SGCD: variants seen among roughly 807,000 people sequenced by gnomAD.
SGCD encodes delta-sarcoglycan.
In SGCD, 18 loss-of-function variants were observed where a neutral mutation model predicts 36.6. The ratio of observed to expected loss-of-function variants is 0.49; its 90% confidence interval spans 0.34 to 0.73. The LOEUF (loss-of-function observed/expected upper bound fraction) is 0.73, where lower values mean the gene tolerates loss of function less well. SGCD is among the 30% of genes least tolerant of loss of function. The pLI, the probability that SGCD is intolerant of heterozygous loss-of-function variation, is 0.01. For synonymous variants in SGCD, 133 were observed against 130.6 expected, an observed-to-expected ratio of 1.02 and a Z score of -0.12; for missense variants, 387 against 346.7, an observed-to-expected ratio of 1.12 and a Z score of -0.92.
At chr5:155,746,677 G>A in the SGCD span, among the ~76,000 whole-genome samples, 5 of 152,032 alleles carry the variant, frequency 3.3e-5, no homozygotes, top group African/African-American at 1.2e-4. Flanking sequence ...GCCCCTGTTT[G>A]TAGGAATCTT....
At chr5:156,497,839 G>T (rs938886155) in intron 3 of SGCD, among the ~76,000 whole-genome samples, 7 of 152,050 alleles carry the variant, frequency 4.6e-5, no homozygotes, top group African/African-American at 1.2e-4. Flanking sequence ...ACACTGATGG[G>T]GTCATCTGGT....
At chr5:156,045,368 T>C (rs1412422392) in intron 1 of SGCD, among the ~76,000 whole-genome samples, 1 of 152,008 alleles carries the variant, frequency 6.6e-6, no homozygotes. Flanking sequence ...TTTCCTTCTA[T>C]AATCTACACT....
chr5:156,702,741 G>A (rs2113733011), intron 7 of SGCD, among the ~76,000 whole-genome samples: 1 of 152,214 alleles, frequency 6.6e-6, no homozygotes, highest in East Asian at 1.9e-4. Context: ...ATGAGTGGGA[G>A]ACAATTCTCA....
chr5:156,030,875 C>G (rs750408934), intron 1 of SGCD, among the ~76,000 whole-genome samples: 3 of 152,032 alleles, frequency 2.0e-5, no homozygotes, highest in Non-Finnish European at 2.9e-5. Flanking sequence ...TAGAATATAC[C>G]ATGGACTGTG....
At chr5:155,825,083 A>C in the SGCD span, among the ~76,000 whole-genome samples, 1 of 152,188 alleles carries the variant, frequency 6.6e-6, no homozygotes, top group African/African-American at 2.4e-5. Flanking sequence ...CAATGTTTTC[A>C]TCAAAGAAAG....
At chr5:156,304,766 A>G (rs1397820200) in intron 3 of SGCD, among the ~76,000 whole-genome samples, 3 of 152,130 alleles carry the variant, frequency 2.0e-5, no homozygotes, top group African/African-American at 7.2e-5. Flanking sequence ...GGGTTTGACA[A>G]AAATGCTGAC....
At chr5:156,285,373 C>T (rs1766565815) in intron 3 of SGCD, among the ~76,000 whole-genome samples, 1 of 152,176 alleles carries the variant, frequency 6.6e-6, no homozygotes, top group Admixed American at 6.6e-5. Flanking sequence ...CATGTGAATC[C>T]TAAGCCAAAA....
At chr5:155,848,693 CT>C in the SGCD span, among the ~76,000 whole-genome samples, 2 of 152,130 alleles carry the variant, frequency 1.3e-5, no homozygotes, top group African/African-American at 2.4e-5. Context: ...TGTTATATAG[CT>C]TTCCCCCAGC....
At chr5:156,219,372 T>G (rs1036386172) in intron 3 of SGCD, among the ~76,000 whole-genome samples, 1 of 152,210 alleles carries the variant, frequency 6.6e-6, no homozygotes, top group Non-Finnish European at 1.5e-5. Context: ...TAAATACACA[T>G]ATATACACAT....
intron 3 of SGCD, among the ~76,000 whole-genome samples, chr5:156,360,759 C>T (rs1189894515): frequency 1.3e-5 from 2 of 152,068 alleles, no homozygotes; most frequent in Non-Finnish European, 2.9e-5. Flanking sequence ...AGACGACTCA[C>T]CCTTCCCATC....
At chr5:155,763,186 G>C in the SGCD span, among the ~76,000 whole-genome samples, 1 of 152,260 alleles carries the variant, frequency 6.6e-6, no homozygotes, top group South Asian at 2.1e-4. Context: ...TTGAAGACAT[G>C]ATAGTACTGA....
chr5:156,486,332 A>C (rs1291318779), intron 3 of SGCD, among the ~76,000 whole-genome samples: 1 of 152,006 alleles, frequency 6.6e-6, no homozygotes, highest in Non-Finnish European at 1.5e-5. Context: ...CCCTGAGACA[A>C]AGGAGACTGA....
chr5:156,234,783 A>G (rs111227288), intron 3 of SGCD, among the ~76,000 whole-genome samples: 3 of 152,330 alleles, frequency 2.0e-5, no homozygotes, highest in African/African-American at 7.2e-5. Flanking sequence ...GTGTTTCTGG[A>G]AGCCATAATA....
At chr5:155,912,041 T>C (rs1756640921) in intron 1 of SGCD, among the ~76,000 whole-genome samples, 1 of 152,028 alleles carries the variant, frequency 6.6e-6, no homozygotes, top group South Asian at 2.1e-4. Context: ...TTCTTCTCCT[T>C]GTATTATACT....
intron 3 of SGCD, among the ~76,000 whole-genome samples, chr5:156,353,317 A>G (rs951012779): frequency 1.3e-5 from 2 of 152,236 alleles, no homozygotes; most frequent in Non-Finnish European, 2.9e-5. Context: ...TGACTTCTAA[A>G]ATGAAGTATT....
chr5:155,921,842 T>G (rs1322587319), intron 1 of SGCD, among the ~76,000 whole-genome samples: 3 of 152,218 alleles, frequency 2.0e-5, no homozygotes, highest in Non-Finnish European at 4.4e-5. Context: ...TGTTAGGCAT[T>G]AAAAGGCTGT....
chr5:156,490,348 C>T (rs1025893468), intron 3 of SGCD, among the ~76,000 whole-genome samples: 2 of 152,060 alleles, frequency 1.3e-5, no homozygotes, highest in African/African-American at 4.8e-5. Flanking sequence ...CTTTCTAACT[C>T]ATTTTATGAG....
intron 1 of SGCD, among the ~76,000 whole-genome samples, chr5:155,932,319 G>A (rs553054005): frequency 2.6e-5 from 4 of 152,210 alleles, no homozygotes; most frequent in Non-Finnish European, 4.4e-5. Context: ...GTTTCTTGAG[G>A]GAATAGATAG....
At chr5:155,847,689 C>T in the SGCD span, among the ~76,000 whole-genome samples, 3 of 152,150 alleles carry the variant, frequency 2.0e-5, no homozygotes, top group Non-Finnish European at 2.9e-5. Context: ...AAGCTTAAAC[C>T]AGCCACTTGG....
Sources: gnomAD v4.1 joint callset for allele counts (sites outside exome capture counted in the v4.1 genomes callset) on GRCh38, gnomAD v4.1.1 for gene constraint, MANE v1.5 for transcripts, NCBI Gene and HGNC (gene_info 2026-07-23, HGNC 2026-07-21) for gene names.